Variants in TENM4 observed in about 807,000 individuals in gnomAD.
TENM4 encodes teneurin transmembrane protein 4, also known as teneurin-4.
In TENM4, 82 loss-of-function variants were observed where a neutral mutation model predicts 243.3. The observed-to-expected ratio is 0.34, with a 90% CI of 0.28 to 0.40. The LOEUF is 0.40. TENM4 is among the 10% of genes least tolerant of loss of function. TENM4 has a pLI of 1.00. For missense variants in TENM4, 3,138 were observed against 3,673.3 expected (o/e 0.85, Z 3.77); for synonymous variants, 1,412 against 1,456.3 (o/e 0.97, Z 0.69).
intron 2 of TENM4, among the ~76,000 whole-genome samples, chr11:79,261,711 A>G (rs1340165942): frequency 2.6e-5 from 4 of 151,960 alleles, no homozygotes; most frequent in Admixed American, 1.3e-4. Context: ...TAGGAGGAGG[A>G]GCGCTATGTG....
At chr11:78,845,408 A>T (rs1000199031) in intron 12 of TENM4, among the ~76,000 whole-genome samples, 1 of 152,210 alleles carries the variant, frequency 6.6e-6, no homozygotes. Flanking sequence ...CCCACAGCTC[A>T]TAACTAATAC....
At chr11:78,797,424 G>A (rs1857183185) in intron 15 of TENM4, among the ~76,000 whole-genome samples, 1 of 152,158 alleles carries the variant, frequency 6.6e-6, no homozygotes, top group Admixed American at 6.5e-5. Context: ...ATATCAGCTT[G>A]GGCATCCAAA....
chr11:78,973,226 T>C (rs923877265), intron 6 of TENM4, among the ~76,000 whole-genome samples: 8 of 152,252 alleles, frequency 5.3e-5, no homozygotes, highest in African/African-American at 1.9e-4. Flanking sequence ...CTGAATTGTA[T>C]GCTTAACCTT....
At chr11:79,118,828 C>T (rs552528845) in intron 4 of TENM4, among the ~76,000 whole-genome samples, 1 of 152,284 alleles carries the variant, frequency 6.6e-6, no homozygotes, top group South Asian at 2.1e-4. Context: ...AGGTGGTTTG[C>T]ACCTTTTTTG....
chr11:79,230,877 G>A (rs1205159299), intron 2 of TENM4, among the ~76,000 whole-genome samples: 1 of 152,160 alleles, frequency 6.6e-6, no homozygotes, highest in African/African-American at 2.4e-5. Context: ...CCAACCACAT[G>A]TTTATGGTAC....
At chr11:79,345,241 T>C (rs896534516) in intron 1 of TENM4, among the ~76,000 whole-genome samples, 4 of 152,230 alleles carry the variant, frequency 2.6e-5, no homozygotes, top group Non-Finnish European at 5.9e-5. Context: ...CTTTCTGTTT[T>C]ATTCTTCTCT....
intron 1 of TENM4, among the ~76,000 whole-genome samples, chr11:79,384,932 T>TA (rs1401234708): frequency 8.4e-5 from 11 of 130,328 alleles, no homozygotes; most frequent in Admixed American, 4.0e-4. Context: ...TCTCAAAAAA[T>TA]AAAATTAAAA....
At chr11:78,924,357 T>G (rs1856512929) in intron 6 of TENM4, 1 of 152,258 alleles carries the variant, frequency 6.6e-6, no homozygotes, top group Admixed American at 6.5e-5. Context: ...AGGCCCACCC[T>G]ACCTCTGGGC....
chr11:78,688,077 C>A lies in TENM4; in HGVS notation c.5237G>T (p.Gly1746Val). 3.1e-6 allele frequency: 5 copies of A among 1,613,792 alleles called. No homozygotes were observed. The highest frequency in any genetic ancestry group is 4.2e-6 in the Non-Finnish European group (5 of 1,179,820). Reference protein sequence around the residue: ...VTITTNLSASGAFYTLLQDQV... With the variant: ...VTITTNLSASVAFYTLLQDQV... ...ACCTTGCAGCAGTGTGTAGAAGGCG[C>A]CTGAGGCAGACAGGTTGGTGGTTAT... Residue 1746 changes from glycine (G) to valine (V), a missense_variant, in exon 29 of 34, where the codon GGC (glycine) becomes GTC (valine). Gly to Val is a moderately radical substitution (Grantham distance 109). This residue lies in a region of TENM4 where 2,467 missense variants were observed against 3,059.1 expected (regional missense o/e 0.81). Transcript: ENST00000278550.
rs1279374285 is a variant in TENM4 at position 79,138,995 on chromosome 11, TATA to T, written c.-66+9712_-66+9714del. ...AATATATATTATATTTCTATAAATA[TATA>T]AAATATATATTATATTTCTATAAAT... On this transcript the variant is annotated intron_variant, in intron 4 of 33. Transcript: ENST00000278550. Among the ~76,000 whole-genome samples the T allele has an allele frequency of 6.3e-3, 316 of 50,508 alleles. 39 individuals are homozygous for T. The highest frequency in any genetic ancestry group is 0.01 in the Admixed American group (33 of 3,150). The allele number at this position is 50,508 out of a possible 152,430, so 33.1% of individuals were successfully genotyped here.
At chr11:78,976,568 T>C (rs1031482456) in intron 6 of TENM4, among the ~76,000 whole-genome samples, 3 of 152,250 alleles carry the variant, frequency 2.0e-5, no homozygotes, top group African/African-American at 7.2e-5. Flanking sequence ...ATTAGATTTC[T>C]ATAAAGATTT....
At chr11:79,295,318 G>A (rs1856430921) in intron 2 of TENM4, among the ~76,000 whole-genome samples, 1 of 152,158 alleles carries the variant, frequency 6.6e-6, no homozygotes, top group East Asian at 1.9e-4. Flanking sequence ...GCAGTCCAGA[G>A]CAAAACCTGC....
At chr11:79,078,431 T>G (rs188830359) in intron 4 of TENM4, among the ~76,000 whole-genome samples, 4 of 152,330 alleles carry the variant, frequency 2.6e-5, no homozygotes, top group Admixed American at 6.5e-5. Context: ...GAGTCCTTTA[T>G]TTTAAAGTGG....
chr11:79,425,859 G>A (rs1472343003), intron 1 of TENM4, among the ~76,000 whole-genome samples: 3 of 152,182 alleles, frequency 2.0e-5, no homozygotes, highest in African/African-American at 7.2e-5. Context: ...GACATGTGAT[G>A]ACAACAGATC....
At chr11:78,713,975 G>A (rs2135810421) in intron 25 of TENM4, among the ~76,000 whole-genome samples, 1 of 152,206 alleles carries the variant, frequency 6.6e-6, no homozygotes, top group South Asian at 2.1e-4. Flanking sequence ...CCAAGTCTCC[G>A]GAAGGTATTT....
chr11:78,943,729 T>C (rs1856952620), intron 6 of TENM4, among the ~76,000 whole-genome samples: 1 of 152,150 alleles, frequency 6.6e-6, no homozygotes, highest in Admixed American at 6.5e-5. Context: ...TGTGCAAAAA[T>C]ACACCGTCAA....
rs903581876 is a variant in TENM4 at position 78,964,598 on chromosome 11, G to A, written c.494-61075C>T. 2.0e-5 allele frequency among the ~76,000 whole-genome samples: 3 copies of A among 152,192 alleles called. No individual in the cohort carries two copies. In the East Asian group the frequency reaches 5.8e-4, roughly 29 times the overall value. On this transcript the variant is annotated intron_variant, in intron 6 of 33. Coordinates refer to ENST00000278550, the MANE Select transcript of TENM4 (RefSeq NM_001098816.3). ...CATTCCCGATTCACCTTGAGAGCCT[G>A]CCTTCCCTGACACCACTGACCACCC...
chr11:78,849,607 T>C (rs1165936027), intron 12 of TENM4, among the ~76,000 whole-genome samples: 3 of 152,124 alleles, frequency 2.0e-5, no homozygotes, highest in Non-Finnish European at 4.4e-5. Context: ...AATGAATGAA[T>C]AGATGGAAAA....
At chr11:79,021,960 T>A (rs1161835935) in intron 6 of TENM4, among the ~76,000 whole-genome samples, 1 of 152,138 alleles carries the variant, frequency 6.6e-6, no homozygotes, top group Non-Finnish European at 1.5e-5. Context: ...GGTGTGTGTG[T>A]GGCATGAGGG....
Sources: gnomAD v4.1 joint callset for allele counts (sites outside exome capture counted in the v4.1 genomes callset) on GRCh38, gnomAD v4.1.1 for gene constraint, gnomAD v4.1.1 regional missense constraint, MANE v1.5 for transcripts, NCBI Gene and HGNC (gene_info 2026-07-23, HGNC 2026-07-21) for gene names.